Variants in DBF4B observed in about 807,000 individuals in gnomAD.
DBF4B encodes the protein protein DBF4 homolog B.
Under a neutral mutation model 53.4 loss-of-function variants are expected in DBF4B, and 49 were observed. The observed-to-expected ratio is 0.92, with a 90% CI of 0.73 to 1.16. The LOEUF is 1.16. DBF4B is among the 50% of genes most tolerant of loss of function. DBF4B has a pLI of 0.00. For synonymous variants in DBF4B, 257 were observed against 288.7 expected (o/e 0.89, Z 1.11); for missense variants, 692 against 775.0 (o/e 0.89, Z 1.27).
intron 2 of DBF4B, among the ~76,000 whole-genome samples, chr17:44,713,388 C>T (rs1973068047): frequency 6.6e-6 from 1 of 150,584 alleles, no homozygotes; most frequent in Non-Finnish European, 1.5e-5. Flanking sequence ...CGCGGTGGCT[C>T]ATACCTGTAA....
chr17:44,751,147 A>G lies in DBF4B; in HGVS notation c.1742A>G (p.Tyr581Cys), dbSNP rs530551804. ...SHPCTLAFPSYLNDHDLGHLC... is the reference protein window; with the variant it reads ...SHPCTLAFPSCLNDHDLGHLC... ...CCGTGTACCCTTGCCTTCCCCTCCT[A>G]TCTCAATGATCATGACCTTGGACAT... The change falls in exon 14 of 14, where the codon TAT becomes TGT. Residue 581 changes from tyrosine (Y) to cysteine (C), a missense_variant. Physicochemically the swap from Tyr to Cys is radical, Grantham distance 194 (BLOSUM62 -2). Transcript: ENST00000315005. The G allele has an allele frequency of 3.0e-5, 49 of 1,613,768 alleles. No individual in the cohort carries two copies. In the African/African-American group the frequency reaches 4.7e-4, roughly 15 times the overall value.
chr17:44,722,397 C>T (rs16970944), intron 2 of DBF4B, among the ~76,000 whole-genome samples: 21,735 of 152,134 alleles, frequency 0.14, 1,605 homozygotes, highest in South Asian at 0.27. Context: ...CATGCATATT[C>T]GCCCTAAGCT....
intron 10 of DBF4B, among the ~76,000 whole-genome samples, chr17:44,742,409 CAAAAA>C (rs1248602974): frequency 1.9e-5 from 1 of 52,080 alleles, no homozygotes; most frequent in Admixed American, 2.1e-4. Context: ...GACTCCTTCT[CAAAAA>C]AAAAAAAAAA....
At chr17:44,731,603 A>G (rs1974839937) in intron 5 of DBF4B, 1 of 152,132 alleles carries the variant, frequency 6.6e-6, no homozygotes, top group East Asian at 1.9e-4. Context: ...ACTCTGTCTC[A>G]AAAAAAAAAC....
chr17:44,738,356 T>C (rs970314888), intron 8 of DBF4B, 23 bp from the exon 9 acceptor site: 1 of 1,611,894 alleles, frequency 6.2e-7, no homozygotes, highest in South Asian at 1.1e-5. Context: ...AGATAGCTGA[T>C]GTGTGCATTC....
In DBF4B at chr17:44,708,695, G is replaced by A. The variant is rs1972586145; in HGVS notation, c.-126G>A. ...GAAGCCGCGGCCGAAAACGCCAAGA[G>A]ATTGATGCTGTAGCTGCCCTGAGAT... On this transcript the variant is annotated 5_prime_UTR_variant, in exon 1 of 14. Coordinates refer to ENST00000315005, the MANE Select transcript of DBF4B (RefSeq NM_145663.3). The A allele has an allele frequency of 6.7e-6, 8 of 1,196,820 alleles. No homozygotes were observed. The highest frequency in any genetic ancestry group is 9.0e-6 in the Non-Finnish European group (8 of 884,822). 74.1% of individuals were successfully genotyped at this position (1,196,820 alleles called of 1,614,324 possible).
At position 44,721,377 on chromosome 17, in the gene DBF4B, C is replaced by T. The variant is rs564632892; in HGVS notation, c.83-1503C>T. Reference sequence around the variant, plus strand: ...GGGATTACAGGTGTGTACCACCATGCCCAGCTAATTTTTCTATTTTTAGTA... The same window carrying T: ...GGGATTACAGGTGTGTACCACCATGTCCAGCTAATTTTTCTATTTTTAGTA... On this transcript the variant is annotated intron_variant, in intron 2 of 13. Coordinates refer to ENST00000315005, the MANE Select transcript of DBF4B (RefSeq NM_145663.3). 9.4e-4 allele frequency among the ~76,000 whole-genome samples: 143 copies of T among 151,930 alleles called. 1 individual carries two copies. The highest frequency in any genetic ancestry group is 6.8e-3 in the Middle Eastern group (2 of 292).
intron 10 of DBF4B, 64 bp downstream of exon 10, chr17:44,741,516 G>T: frequency 8.7e-7 from 1 of 1,154,170 alleles, no homozygotes; most frequent in East Asian, 2.4e-5. Flanking sequence ...CCCATCGGGG[G>T]CCTGCTGGTC....
intron 4 of DBF4B, among the ~76,000 whole-genome samples, chr17:44,730,520 A>G (rs1568178674): frequency 6.6e-6 from 1 of 152,180 alleles, no homozygotes; most frequent in Non-Finnish European, 1.5e-5. Flanking sequence ...TTTCCCCTCT[A>G]GGCTTGCATT....
chr17:44,738,145 T>C (rs1568188619), intron 8 of DBF4B, among the ~76,000 whole-genome samples: 1 of 152,254 alleles, frequency 6.6e-6, no homozygotes, highest in Admixed American at 6.5e-5. Flanking sequence ...AGGGCCCATC[T>C]AGGGCTTCAG....
intron 2 of DBF4B, among the ~76,000 whole-genome samples, chr17:44,710,953 A>G (rs972161937): frequency 1.1e-5 from 1 of 88,622 alleles, no homozygotes; most frequent in African/African-American, 5.6e-5. Flanking sequence ...GAGGGTTTTT[A>G]TTTTCGTTTT....
chr17:44,746,053 C>CAAAAAAAAAA (rs61654485), intron 10 of DBF4B, among the ~76,000 whole-genome samples: 2 of 110,662 alleles, frequency 1.8e-5, no homozygotes, highest in African/African-American at 3.4e-5. Context: ...ACTAAAAATA[C>CAAAAAAAAAA]AAAAAAAAAA....
At chr17:44,713,214 G>T (rs557129987) in intron 2 of DBF4B, among the ~76,000 whole-genome samples, 35 of 147,132 alleles carry the variant, frequency 2.4e-4, no homozygotes, top group Middle Eastern at 3.5e-3. Flanking sequence ...TAATTTTTTG[G>T]TTTTTTTTAG....
chr17:44,713,801 A>G (rs1177938108), intron 2 of DBF4B, among the ~76,000 whole-genome samples: 1 of 152,134 alleles, frequency 6.6e-6, no homozygotes, highest in Non-Finnish European at 1.5e-5. Flanking sequence ...TCATCAGAGG[A>G]TCTGTCAATT....
At chr17:44,729,683 TACACAC>T (rs71361592) in intron 3 of DBF4B, among the ~76,000 whole-genome samples, 8,115 of 138,188 alleles carry the variant, frequency 0.059, 253 homozygotes, top group Non-Finnish European at 0.076. Context: ...GTAATACACA[TACACAC>T]ACACACACAC....
At chr17:44,743,601 A>G (rs1181274019) in intron 10 of DBF4B, among the ~76,000 whole-genome samples, 1 of 143,014 alleles carries the variant, frequency 7.0e-6, no homozygotes, top group Non-Finnish European at 1.5e-5. Context: ...TCAATACTGT[A>G]TGATTCTTTT....
At position 44,742,096 on chromosome 17, in the gene DBF4B, A is replaced by T. The variant is rs555290686; in HGVS notation, c.830+644A>T. Among the ~76,000 whole-genome samples the T allele has an allele frequency of 5.1e-3, 759 of 148,576 alleles. 8 individuals carry two copies. Among genetic ancestry groups the T allele is most frequent in the African/African-American group, 0.016 (661 of 40,926 alleles). On this transcript the variant is annotated intron_variant, in intron 10 of 13. Coordinates refer to ENST00000315005, the MANE Select transcript of DBF4B (RefSeq NM_145663.3). ...GCAAGACTCTGCCTCTACAAAAAAT[A>T]AAAATAAAAATGTAAAAAATTATGA... is the stretch of plus-strand genomic sequence containing the variant.
In DBF4B at chr17:44,733,953, A is replaced by G. The variant is rs973460295; in HGVS notation, c.557-137A>G. The G allele has an allele frequency of 4.5e-5, 31 of 687,602 alleles. No individual in the cohort carries two copies. In the African/African-American group the frequency reaches 4.6e-4, roughly 10 times the overall value. The allele number at this position is 687,602 out of a possible 1,614,324, so 42.6% of individuals were successfully genotyped here. The stretch of plus-strand genomic sequence containing the variant: ...GTCAGGAGATGCAGAGGGGATGTGT[A>G]GCCAGAAGGTGGCAGGCAAGGCTGG... On this transcript the variant is annotated intron_variant, in intron 6 of 13. Transcript: ENST00000315005.
At chr17:44,709,613 A>G (rs1374440662) in intron 2 of DBF4B, among the ~76,000 whole-genome samples, 1 of 152,086 alleles carries the variant, frequency 6.6e-6, no homozygotes, top group Non-Finnish European at 1.5e-5. Flanking sequence ...GAGCCACTTC[A>G]CCAGGCCCAC....
Sources: gnomAD v4.1 joint callset for allele counts (sites outside exome capture counted in the v4.1 genomes callset) on GRCh38, gnomAD v4.1.1 for gene constraint, MANE v1.5 for transcripts, NCBI Gene and HGNC (gene_info 2026-07-23, HGNC 2026-07-21) for gene names.